TNFRSF19: variants seen among roughly 807,000 people sequenced by gnomAD.
TNFRSF19 encodes the protein tumor necrosis factor receptor superfamily member 19.
In TNFRSF19, 27 loss-of-function variants were observed where a neutral mutation model predicts 46.4. The observed-to-expected ratio is 0.58, with a 90% confidence interval of 0.43 to 0.80. The LOEUF is 0.80. Ranked by LOEUF, TNFRSF19 falls within the 30% of genes least tolerant of loss-of-function variation. The pLI is 0.00. For missense variants in TNFRSF19, 511 were observed against 530.8 expected, an observed-to-expected ratio of 0.96 and a Z score of 0.37; for synonymous variants, 204 against 205.0, an observed-to-expected ratio of 1.00 and a Z score of 0.04.
At chr13:23,606,221 C>A (rs1267350428) in intron 3 of TNFRSF19, among the ~76,000 whole-genome samples, 1 of 152,176 alleles carries the variant, frequency 6.6e-6, no homozygotes, top group Non-Finnish European at 1.5e-5. Flanking sequence ...ATATTTTTCT[C>A]TAGATAGCAG....
chr13:23,612,439 A>ATTC (rs929924496), intron 3 of TNFRSF19, among the ~76,000 whole-genome samples: 1 of 152,238 alleles, frequency 6.6e-6, no homozygotes, highest in African/African-American at 2.4e-5. Context: ...TTTAAGGTGC[A>ATTC]TTAGAAATAT....
Position 23,647,530 on chromosome 13 carries a change from G to C in TNFRSF19, c.446-11520G>C, listed in dbSNP as rs549673937. 1.1e-4 allele frequency among the ~76,000 whole-genome samples: 16 copies of C among 152,228 alleles called. No individual in the cohort carries two copies. In the East Asian group the frequency reaches 2.7e-3, roughly 26 times the overall value. ...TGATCCTCCTGTCTCAGCCTCCCGAGTAGCTGGGACTACAGGTGACACCAC... is the reference window on the plus strand; with the variant it reads ...TGATCCTCCTGTCTCAGCCTCCCGACTAGCTGGGACTACAGGTGACACCAC... On this transcript the variant is annotated intron_variant, in intron 5 of 9. Coordinates refer to ENST00000248484, the MANE Select transcript of TNFRSF19 (RefSeq NM_148957.4).
intron 3 of TNFRSF19, among the ~76,000 whole-genome samples, chr13:23,604,494 T>G (rs1354283429): frequency 1.3e-5 from 2 of 152,168 alleles, no homozygotes; most frequent in African/African-American, 4.8e-5. Context: ...TTTGTAGATA[T>G]TGACAAACTG....
chr13:23,653,980 C>T lies in TNFRSF19; in HGVS notation c.446-5070C>T, dbSNP rs181794813. Among the ~76,000 whole-genome samples the T allele has an allele frequency of 3.0e-3, 455 of 152,186 alleles. 1 individual carries two copies. The highest frequency in any genetic ancestry group is 0.01 in the African/African-American group (430 of 41,510). On this transcript the variant is annotated intron_variant, in intron 5 of 9. Transcript: ENST00000248484. ...TAATAGAATGTTCAGGCCCTTCTGC[C>T]TCAGTGGGTCTTGGTGTCTGCGTGA...
At chr13:23,625,127 G>A (rs1372101443) in intron 4 of TNFRSF19, among the ~76,000 whole-genome samples, 1 of 152,002 alleles carries the variant, frequency 6.6e-6, no homozygotes, top group Non-Finnish European at 1.5e-5. Context: ...TGCACAAAAT[G>A]GAATTATATG....
intron 1 of TNFRSF19, among the ~76,000 whole-genome samples, chr13:23,577,194 G>A (rs1878019231): frequency 6.6e-6 from 1 of 152,238 alleles, no homozygotes; most frequent in South Asian, 2.1e-4. Flanking sequence ...AGATGCCCAA[G>A]CCCATTCAGG....
chr13:23,646,114 C>G (rs1883313813), intron 5 of TNFRSF19, among the ~76,000 whole-genome samples: 1 of 152,126 alleles, frequency 6.6e-6, no homozygotes, highest in African/African-American at 2.4e-5. Flanking sequence ...AAGCCATCAC[C>G]ATCAATATCT....
chr13:23,623,884 T>C (rs1343971653), intron 4 of TNFRSF19, among the ~76,000 whole-genome samples: 1 of 152,178 alleles, frequency 6.6e-6, no homozygotes, highest in Non-Finnish European at 1.5e-5. Context: ...TAACCCTTTA[T>C]CAGACATATG....
In TNFRSF19 at chr13:23,578,936, G is replaced by A. The variant is rs1378871622; in HGVS notation, c.-35+8088G>A. On this transcript the variant is annotated intron_variant, in intron 1 of 9. Coordinates refer to ENST00000248484, the MANE Select transcript of TNFRSF19 (RefSeq NM_148957.4). ...CCTGCGAGTCCCTGCCGGCTGAGGAGCCGAGGTCTGCGACCTCTGCCGACC... is the reference window on the plus strand; with the variant it reads ...CCTGCGAGTCCCTGCCGGCTGAGGAACCGAGGTCTGCGACCTCTGCCGACC... Among the ~76,000 whole-genome samples, 3 of 152,356 alleles carry A rather than the reference G, an allele frequency of 2.0e-5. 1 individual carries two copies. In the East Asian group the frequency reaches 5.8e-4, roughly 29 times the overall value.
rs543334223 is a variant in TNFRSF19 at position 23,593,945 on chromosome 13, T to G, written c.180+490T>G. On this transcript the variant is annotated intron_variant, in intron 3 of 9. Coordinates refer to ENST00000248484, the MANE Select transcript of TNFRSF19 (RefSeq NM_148957.4). ...CTGGTTAGACAGTGGGTGCAGCCCA[T>G]GGAGGGTGAGCCAAAGCAGGATGGG... Among the ~76,000 whole-genome samples, 192 of 152,102 alleles carry G rather than the reference T, an allele frequency of 1.3e-3. 1 individual carries two copies. The highest frequency in any genetic ancestry group is 4.3e-3 in the African/African-American group (180 of 41,514).
chr13:23,576,944 A>G (rs1445328087), intron 1 of TNFRSF19, among the ~76,000 whole-genome samples: 2 of 152,218 alleles, frequency 1.3e-5, no homozygotes, highest in Non-Finnish European at 2.9e-5. Context: ...CTCACCGTCA[A>G]TGATCATTTA....
At chr13:23,590,118 A>G in intron 1 of TNFRSF19, 32 bp from the exon 2 acceptor site, 2 of 1,098,450 alleles carry the variant, frequency 1.8e-6, no homozygotes, top group Middle Eastern at 2.1e-4. Context: ...GATGTTTTTA[A>G]TATTAACTGC....
intron 3 of TNFRSF19, among the ~76,000 whole-genome samples, chr13:23,614,057 TA>T (rs1345337680): frequency 1.3e-5 from 2 of 152,222 alleles, no homozygotes; most frequent in Admixed American, 6.5e-5. Context: ...AAAGAAATTC[TA>T]ACTTGTTAAT....
chr13:23,579,187 G>C (rs1292965991), intron 1 of TNFRSF19, among the ~76,000 whole-genome samples: 1 of 152,248 alleles, frequency 6.6e-6, no homozygotes, highest in Non-Finnish European at 1.5e-5. Flanking sequence ...TAGCCGCGGA[G>C]TGGGGGCCTC....
chr13:23,590,159 A>G lies in TNFRSF19; in HGVS notation c.-25A>G. Reference sequence around the variant, plus strand: ...CCTATCTTTTATTTAGAACTCTCCAACAATAAATACATTTGATAAGAAAGA... The same window carrying G: ...CCTATCTTTTATTTAGAACTCTCCAGCAATAAATACATTTGATAAGAAAGA... On this transcript the variant is annotated 5_prime_UTR_variant, in exon 2 of 10. Coordinates refer to ENST00000248484, the MANE Select transcript of TNFRSF19 (RefSeq NM_148957.4). The G allele has an allele frequency of 6.6e-7, 1 of 1,513,888 alleles. No homozygotes were observed. The highest frequency in any genetic ancestry group is 9.1e-7 in the Non-Finnish European group (1 of 1,103,620). 93.8% of individuals were successfully genotyped at this position (1,513,888 alleles called of 1,614,324 possible).
chr13:23,653,210 G>A (rs1414502000), intron 5 of TNFRSF19, among the ~76,000 whole-genome samples: 2 of 152,164 alleles, frequency 1.3e-5, no homozygotes, highest in African/African-American at 2.4e-5. Context: ...GGCTCCCTAA[G>A]TGAAGCTGAC....
intron 3 of TNFRSF19, among the ~76,000 whole-genome samples, chr13:23,606,508 C>G (rs779265313): frequency 2.6e-5 from 4 of 152,196 alleles, no homozygotes; most frequent in Non-Finnish European, 4.4e-5. Context: ...CCTGGAAGCC[C>G]ATGTTGTTCA....
intron 5 of TNFRSF19, among the ~76,000 whole-genome samples, chr13:23,633,178 C>T (rs1355332714): frequency 4.7e-5 from 7 of 149,610 alleles, no homozygotes; most frequent in African/African-American, 1.2e-4. Flanking sequence ...GGTGCAATCA[C>T]CACAGATCTC....
intron 1 of TNFRSF19, among the ~76,000 whole-genome samples, chr13:23,582,744 C>T (rs1878544803): frequency 6.6e-6 from 1 of 152,192 alleles, no homozygotes. Context: ...CCCTGACAAC[C>T]TCTGATCTGC....
Sources: allele counts gnomAD v4.1 joint callset (sites outside exome capture counted in the v4.1 genomes callset), GRCh38; gene constraint gnomAD v4.1.1; transcripts MANE v1.5; gene names NCBI Gene and HGNC (gene_info 2026-07-23, HGNC 2026-07-21).